The following LMX1A variants were observed in gnomAD, a reference collection of about 807,000 sequenced individuals.
The protein encoded by LMX1A is LIM homeobox transcription factor 1 alpha.
In LMX1A, 15 loss-of-function variants were observed where a neutral mutation model predicts 49.1. The observed-to-expected ratio is 0.31, with a 90% CI of 0.20 to 0.47. The LOEUF is 0.47. LMX1A is among the 20% of genes least tolerant of loss of function. The pLI, the probability that LMX1A is intolerant of heterozygous loss-of-function variation, is 1.00. For synonymous variants in LMX1A, 167 were observed against 185.7 expected (o/e 0.90, Z 0.82); for missense variants, 372 against 475.8 (o/e 0.78, Z 2.03).
intron 3 of LMX1A, among the ~76,000 whole-genome samples, chr1:165,321,475 A>G (rs1655384317): frequency 6.6e-6 from 1 of 152,190 alleles, no homozygotes; most frequent in African/African-American, 2.4e-5. Context: ...CTCCTCTGCA[A>G]TAGCTTCCTT....
chr1:165,267,123 A>G (rs1223440249), intron 3 of LMX1A, among the ~76,000 whole-genome samples: 7 of 152,172 alleles, frequency 4.6e-5, no homozygotes, highest in Admixed American at 1.3e-4. Flanking sequence ...TCATTTCCAA[A>G]TAAAACCCTT....
chr1:165,206,525 A>C (rs1359293298), intron 7 of LMX1A, among the ~76,000 whole-genome samples: 1 of 152,180 alleles, frequency 6.6e-6, no homozygotes, highest in Non-Finnish European at 1.5e-5. Flanking sequence ...AAGAACAGAG[A>C]CTATTTCCCA....
intron 3 of LMX1A, among the ~76,000 whole-genome samples, chr1:165,340,025 C>T (rs1379464981): frequency 1.3e-5 from 2 of 152,106 alleles, no homozygotes; most frequent in African/African-American, 4.8e-5. Flanking sequence ...CATCACTCCC[C>T]CTATTTCTTC....
intron 4 of LMX1A, among the ~76,000 whole-genome samples, chr1:165,239,508 C>T (rs1264931547): frequency 3.3e-5 from 5 of 152,156 alleles, no homozygotes; most frequent in African/African-American, 1.2e-4. Context: ...AACAAATACA[C>T]TAGAAGACAA....
intron 3 of LMX1A, among the ~76,000 whole-genome samples, chr1:165,306,987 C>T (rs115330502): frequency 0.032 from 4,943 of 152,368 alleles, 128 homozygotes; most frequent in Non-Finnish European, 0.05. Context: ...CATGTCCTCT[C>T]GGGCAGAAGC....
At chr1:165,298,114 A>G (rs1654669079) in intron 3 of LMX1A, among the ~76,000 whole-genome samples, 1 of 152,228 alleles carries the variant, frequency 6.6e-6, no homozygotes, top group Non-Finnish European at 1.5e-5. Context: ...AATGTGCCAG[A>G]GGGGCATCTC....
At chr1:165,257,106 A>C (rs1207721900) in intron 3 of LMX1A, among the ~76,000 whole-genome samples, 1 of 152,204 alleles carries the variant, frequency 6.6e-6, no homozygotes, top group African/African-American at 2.4e-5. Context: ...GTACCCACTC[A>C]GTGCTAGAAA....
chr1:165,228,725 C>T (rs1477084282), intron 4 of LMX1A, among the ~76,000 whole-genome samples: 2 of 152,084 alleles, frequency 1.3e-5, no homozygotes, highest in Non-Finnish European at 2.9e-5. Flanking sequence ...AAACATTCAC[C>T]CCAGGATTTA....
chr1:165,233,403 AG>A (rs1417871115), intron 4 of LMX1A, among the ~76,000 whole-genome samples: 1 of 152,206 alleles, frequency 6.6e-6, no homozygotes, highest in Admixed American at 6.5e-5. Flanking sequence ...TGCAGAGAGA[AG>A]TGATTGTGCC....
At chr1:165,286,828 T>G (rs1350018586) in intron 3 of LMX1A, among the ~76,000 whole-genome samples, 1 of 152,126 alleles carries the variant, frequency 6.6e-6, no homozygotes, top group Non-Finnish European at 1.5e-5. Flanking sequence ...AGAGGTGTTC[T>G]GAGCATTTAC....
At chr1:165,265,363 A>G (rs527656873) in intron 3 of LMX1A, among the ~76,000 whole-genome samples, 3 of 152,316 alleles carry the variant, frequency 2.0e-5, no homozygotes, top group East Asian at 3.9e-4. Flanking sequence ...GCTGGTTCCA[A>G]GAGAAACACC....
intron 5 of LMX1A, chr1:165,213,394 G>A: frequency 2.4e-6 from 1 of 422,266 alleles, no homozygotes; most frequent in Non-Finnish European, 4.2e-6. Flanking sequence ...TCTATGAAAT[G>A]AAAGGTGTGA....
chr1:165,247,163 G>A (rs1652889104), intron 4 of LMX1A, among the ~76,000 whole-genome samples: 1 of 141,092 alleles, frequency 7.1e-6, no homozygotes, highest in Non-Finnish European at 1.5e-5. Context: ...CGTTAACATA[G>A]GTCCAACTGT....
At chr1:165,217,356 A>G (rs903568796) in intron 4 of LMX1A, among the ~76,000 whole-genome samples, 6 of 152,176 alleles carry the variant, frequency 3.9e-5, no homozygotes, top group African/African-American at 1.4e-4. Flanking sequence ...ACATCCCCCA[A>G]AGAACTGCTG....
At chr1:165,247,197 G>A (rs1910704) in intron 4 of LMX1A, among the ~76,000 whole-genome samples, 11 of 151,282 alleles carry the variant, frequency 7.3e-5, no homozygotes, top group African/African-American at 2.2e-4. Context: ...TAAGCCTCCA[G>A]ACAAATGTTT....
At chr1:165,207,309 CT>C (rs937873945) in intron 7 of LMX1A, among the ~76,000 whole-genome samples, 69 of 148,010 alleles carry the variant, frequency 4.7e-4, no homozygotes, top group South Asian at 8.6e-4. Context: ...AGTAACTCTT[CT>C]TTTTTTTTTT....
intron 4 of LMX1A, among the ~76,000 whole-genome samples, chr1:165,235,043 A>G (rs1652376149): frequency 6.6e-6 from 1 of 152,222 alleles, no homozygotes; most frequent in Non-Finnish European, 1.5e-5. Flanking sequence ...AAAGAATGCC[A>G]GGAGGTGTTC....
intron 3 of LMX1A, among the ~76,000 whole-genome samples, chr1:165,343,522 C>A (rs1656146539): frequency 6.6e-6 from 1 of 152,142 alleles, no homozygotes. Context: ...TTTATTCTTA[C>A]ATTCTATTGT....
intron 3 of LMX1A, among the ~76,000 whole-genome samples, chr1:165,299,573 C>T (rs1453382922): frequency 6.6e-6 from 1 of 152,170 alleles, no homozygotes; most frequent in East Asian, 1.9e-4. Context: ...ATGAATGGCT[C>T]ATCCAATGCG....
Sources: allele counts gnomAD v4.1 joint callset (sites outside exome capture counted in the v4.1 genomes callset), GRCh38; gene constraint gnomAD v4.1.1; transcripts MANE v1.5; gene names NCBI Gene and HGNC (gene_info 2026-07-23, HGNC 2026-07-21).